The following RMDN2 variants were observed in gnomAD, a reference collection of about 807,000 sequenced individuals.
RMDN2 encodes the protein regulator of microtubule dynamics protein 2.
RMDN2 carries 61 observed loss-of-function variants against 52.8 expected under a neutral mutation model. The ratio of observed to expected loss-of-function variants is 1.16; its 90% CI spans 0.94 to 1.43. RMDN2 has a LOEUF of 1.43. RMDN2 is among the 40% of genes most tolerant of loss of function. The pLI, the probability that RMDN2 is intolerant of heterozygous loss-of-function variation, is 0.00. For synonymous variants in RMDN2, 180 were observed against 153.1 expected (o/e 1.18, Z -1.30); for missense variants, 592 against 475.3 (o/e 1.25, Z -2.28).
chr2:37,928,303 T>C (rs1237073284), intron 1 of RMDN2, among the ~76,000 whole-genome samples: 1 of 152,218 alleles, frequency 6.6e-6, no homozygotes, highest in Non-Finnish European at 1.5e-5. Flanking sequence ...CCCTCTTCCA[T>C]AGGGCATTTG....
intron 10 of RMDN2, among the ~76,000 whole-genome samples, chr2:38,054,796 C>CG (rs762041275): frequency 2.2e-4 from 34 of 152,254 alleles, no homozygotes; most frequent in Non-Finnish European, 3.8e-4. Flanking sequence ...ACCCAGTGCA[C>CG]GACTCTGGAC....
intron 10 of RMDN2, among the ~76,000 whole-genome samples, chr2:38,049,345 C>T (rs1681455791): frequency 6.6e-6 from 1 of 152,138 alleles, no homozygotes; most frequent in African/African-American, 2.4e-5. Flanking sequence ...TGGACTGGAC[C>T]ATCCCAGGTC....
At chr2:37,977,497 C>A (rs182137095) in intron 4 of RMDN2, among the ~76,000 whole-genome samples, 1 of 151,218 alleles carries the variant, frequency 6.6e-6, no homozygotes, top group Middle Eastern at 3.2e-3. Context: ...GGGCGGCTGC[C>A]GGGCGGAGAC....
In RMDN2 at chr2:37,971,413, T is replaced by A. The variant is rs946328503; in HGVS notation, c.453-2627T>A. ...TTTTAAGAAATTATTTCTGGACGCT[T>A]AATTTTGAATAGATGATCCATAATG... On this transcript the variant is annotated intron_variant, in intron 2 of 10. Coordinates refer to ENST00000354545, the MANE Select transcript of RMDN2 (RefSeq NM_001170791.3). 1.4e-4 allele frequency among the ~76,000 whole-genome samples: 22 copies of A among 152,204 alleles called. 1 individual carries two copies.
Position 38,004,236 on chromosome 2 carries a change from G to T in RMDN2, c.1179+20G>T. The T allele has an allele frequency of 6.5e-7, 1 of 1,548,998 alleles. No individual in the cohort carries two copies. Among genetic ancestry groups the T allele is most frequent in the South Asian group, 1.1e-5 (1 of 89,758 alleles). ...AAAGAGGTAAGTCCAGAAAGTGACA[G>T]TGAGTGCTGTTGTCTTGTTAGTACT... On this transcript the variant is annotated intron_variant, in intron 10 of 10. Coordinates refer to ENST00000354545, the MANE Select transcript of RMDN2 (RefSeq NM_001170791.3).
At chr2:38,042,144 A>C (rs920665925) in intron 10 of RMDN2, among the ~76,000 whole-genome samples, 2 of 152,000 alleles carry the variant, frequency 1.3e-5, no homozygotes, top group Non-Finnish European at 2.9e-5. Flanking sequence ...GCCTACTTTA[A>C]ATTATTTATT....
At chr2:38,041,272 A>G (rs886445718) in intron 10 of RMDN2, among the ~76,000 whole-genome samples, 1 of 152,092 alleles carries the variant, frequency 6.6e-6, no homozygotes, top group African/African-American at 2.4e-5. Flanking sequence ...CTCCTCTCCT[A>G]CTACTTCTTA....
chr2:37,940,504 C>T (rs528523086), intron 2 of RMDN2, among the ~76,000 whole-genome samples: 8 of 152,316 alleles, frequency 5.3e-5, no homozygotes, highest in Admixed American at 2.0e-4. Context: ...TTCTCGCTGT[C>T]ACTTTCAGGT....
At chr2:37,969,684 A>G (rs961945700) in intron 2 of RMDN2, among the ~76,000 whole-genome samples, 16 of 152,036 alleles carry the variant, frequency 1.1e-4, no homozygotes, top group African/African-American at 3.6e-4. Context: ...TATTGTGCCA[A>G]AAAGACTTCC....
chr2:37,968,646 G>A (rs932227476), intron 2 of RMDN2, among the ~76,000 whole-genome samples: 7 of 152,064 alleles, frequency 4.6e-5, no homozygotes, highest in African/African-American at 1.4e-4. Flanking sequence ...ATAAACAGTT[G>A]ATCATGCAGA....
At chr2:37,942,714 A>G (rs908059817) in intron 2 of RMDN2, among the ~76,000 whole-genome samples, 1 of 152,184 alleles carries the variant, frequency 6.6e-6, no homozygotes, top group Admixed American at 6.5e-5. Flanking sequence ...GTCCTCTCCT[A>G]TGAATTTCCT....
chr2:37,925,774 C>G (rs906439479), intron 1 of RMDN2, among the ~76,000 whole-genome samples: 6 of 141,592 alleles, frequency 4.2e-5, no homozygotes, highest in Non-Finnish European at 9.2e-5. Flanking sequence ...AGAATTTCAA[C>G]AGAGACACTT....
Position 37,997,512 on chromosome 2 carries a change from A to T in RMDN2, c.1042A>T (p.Lys348Ter). 6.3e-7 allele frequency: 1 copy of T among 1,593,204 alleles called. No homozygotes were observed. Among genetic ancestry groups the T allele is most frequent in the Non-Finnish European group, 8.6e-7 (1 of 1,161,128 alleles). Residue 348 changes from lysine to a stop codon, truncating the protein, a stop_gained and splice_region_variant, in exon 8 of 11, where the codon AAG (lysine) becomes TAG (stop). Transcript: ENST00000354545. LOFTEE classifies it high-confidence loss of function. The part of the protein sequence containing the change: ...TVQEALHNFL[K>*]AEELCPGYSN... ...ACAAGAAGCTTTACACAATTTCCTT[A>T]AGGTACATTTTGTGTATCCATTATT...
intron 2 of RMDN2, among the ~76,000 whole-genome samples, chr2:37,961,825 G>C (rs1286809873): frequency 2.0e-5 from 3 of 152,194 alleles, no homozygotes; most frequent in Non-Finnish European, 2.9e-5. Flanking sequence ...CATCTTCGTA[G>C]ATTTATCTAC....
At chr2:38,065,701 G>A (rs1682247100) in intron 10 of RMDN2, among the ~76,000 whole-genome samples, 1 of 152,192 alleles carries the variant, frequency 6.6e-6, no homozygotes, top group Non-Finnish European at 1.5e-5. Context: ...AGATGGACAG[G>A]CCATGTCCCA....
chr2:37,952,522 C>T (rs952531122), intron 2 of RMDN2: 2 of 423,710 alleles, frequency 4.7e-6, no homozygotes, highest in African/African-American at 4.1e-5. Flanking sequence ...TAACATCAAG[C>T]CTTGATGTAT....
chr2:37,981,432 C>A, intron 5 of RMDN2, 89 bp downstream of exon 5: 3 of 812,712 alleles, frequency 3.7e-6, no homozygotes, highest in South Asian at 3.0e-5. Context: ...TTGACTCATA[C>A]GTTTAATCTG....
At chr2:37,947,845 T>C (rs1157877384) in intron 2 of RMDN2, among the ~76,000 whole-genome samples, 2 of 152,200 alleles carry the variant, frequency 1.3e-5, no homozygotes, top group Non-Finnish European at 2.9e-5. Flanking sequence ...GCATGTTCTT[T>C]GTGTTAAGGA....
chr2:38,003,998 A>T lies in RMDN2; in HGVS notation c.1052A>T (p.Glu351Val), dbSNP rs1676712125. Residue 351 changes from glutamate to valine, a missense_variant, in exon 9 of 11, where the codon GAA (glutamate) becomes GTA (valine). Physicochemically the swap from Glu to Val is moderately radical, Grantham distance 121 (BLOSUM62 -2). Coordinates refer to ENST00000354545, the MANE Select transcript of RMDN2 (RefSeq NM_001170791.3). Reference protein sequence around the residue: ...EALHNFLKAEELCPGYSNPNY... With the variant: ...EALHNFLKAEVLCPGYSNPNY... ...GTTTTTCTCTCAAATCAGGCTGAAG[A>T]ACTATGCCCTGGTTATTCTAATCCC... is the stretch of plus-strand genomic sequence containing the variant. 1 of 1,612,220 alleles carries T rather than the reference A, an allele frequency of 6.2e-7. No homozygotes were observed. Among genetic ancestry groups the T allele is most frequent in the Non-Finnish European group, 8.5e-7 (1 of 1,178,584 alleles).
Sources: gnomAD v4.1 joint callset for allele counts (sites outside exome capture counted in the v4.1 genomes callset) on GRCh38, gnomAD v4.1.1 for gene constraint, MANE v1.5 for transcripts, NCBI Gene and HGNC (gene_info 2026-07-23, HGNC 2026-07-21) for gene names.